The following BOD1L1 variants were observed in gnomAD, a reference collection of about 807,000 sequenced individuals.
BOD1L1 encodes the protein biorientation of chromosomes in cell division 1 like 1.
In BOD1L1, 86 loss-of-function variants were observed where a neutral mutation model predicts 240.7. That is an observed-to-expected ratio of 0.36 (90% CI 0.30 to 0.43). The LOEUF (loss-of-function observed/expected upper bound fraction) is 0.43. Among genes scored for constraint, BOD1L1 ranks in the 20% least tolerant of loss-of-function variants. The pLI, the probability that BOD1L1 is intolerant of heterozygous loss-of-function variation, is 1.00. For missense variants in BOD1L1, 3,554 were observed against 3,643.5 expected, an observed-to-expected ratio of 0.98 and a Z score of 0.63; for synonymous variants, 1,268 against 1,272.3, an observed-to-expected ratio of 1.00 and a Z score of 0.07.
chr4:13,605,921 T>C (rs2108963066), intron 9 of BOD1L1, among the ~76,000 whole-genome samples: 1 of 152,306 alleles, frequency 6.6e-6, no homozygotes, highest in African/African-American at 2.4e-5. Flanking sequence ...TCTGGCCCTG[T>C]GGTTTGGCAC....
intron 8 of BOD1L1, 89 bp from the exon 9 acceptor site, chr4:13,607,278 A>G (rs1328199698): frequency 7.0e-6 from 4 of 573,820 alleles, no homozygotes; most frequent in African/African-American, 6.0e-5. Flanking sequence ...TTCCTTTACT[A>G]TAATTTTTAT....
At chr4:13,574,300 C>A (rs1046347406) in intron 25 of BOD1L1, among the ~76,000 whole-genome samples, 1 of 152,224 alleles carries the variant, frequency 6.6e-6, no homozygotes, top group Non-Finnish European at 1.5e-5. Context: ...TACATGACCA[C>A]TGAGAGCCCA....
At position 13,599,242 on chromosome 4, in the gene BOD1L1, G is replaced by A. The variant is rs1714871853; in HGVS notation, c.7658C>T (p.Pro2553Leu). The A allele has an allele frequency of 1.2e-6, 2 of 1,613,706 alleles. No individual in the cohort carries two copies. Among genetic ancestry groups the A allele is most frequent in the South Asian group, 2.2e-5 (2 of 91,052 alleles). The change falls in exon 10 of 26, where the codon CCT (proline) becomes CTT (leucine). Residue 2553 changes from proline to leucine, a missense_variant. By Grantham distance (98) the Pro-to-Leu change is moderately conservative (BLOSUM62 -3). This residue lies in a region of BOD1L1 where 3,393 missense variants were observed against 3,427.1 expected (regional missense o/e 0.99). Transcript: ENST00000040738. ...QGTVAEHSFL[P>L]AEQQGSEDNL... ...GTCTTCAGACCCCTGCTGCTCAGCA[G>A]GAAGAAAGGAATGCTCAGCCACGGT... is the stretch of plus-strand genomic sequence containing the variant.
At chr4:13,620,630 TTGGAA>T (rs769084223) in intron 1 of BOD1L1, among the ~76,000 whole-genome samples, 6 of 151,996 alleles carry the variant, frequency 3.9e-5, no homozygotes, top group Non-Finnish European at 8.8e-5. Flanking sequence ...TTGTACAAGT[TTGGAA>T]TTACAGGGTA....
intron 13 of BOD1L1, 131 bp from the exon 14 acceptor site, chr4:13,590,577 TC>T (rs1714121973): frequency 4.6e-6 from 2 of 433,454 alleles, no homozygotes; most frequent in Non-Finnish European, 8.5e-6. Context: ...GGGTACATAT[TC>T]TTTTTAATTT....
chr4:13,625,507 T>C (rs1717324930), intron 1 of BOD1L1: 1 of 152,174 alleles, frequency 6.6e-6, no homozygotes, highest in Admixed American at 6.5e-5. Flanking sequence ...GGGAATAGGA[T>C]AATAAAAAAG....
At position 13,600,708 on chromosome 4, in the gene BOD1L1, A is replaced by G; in HGVS notation, c.6192T>C (p.Gly2064=). The change falls in exon 10 of 26, where the codon GGT becomes GGC. Residue 2064 remains glycine (G), a synonymous_variant. Coordinates refer to ENST00000040738, the MANE Select transcript of BOD1L1 (RefSeq NM_148894.3). ...TAATCAAAACTTTGCCTTGATTTTT[A>G]CCCCCTGCTAAGCTATTCTGGTTGG... The part of the protein sequence containing the change: ...DITNQNSLAG[G]KNQGKVLIIS... The G allele has an allele frequency of 6.2e-7, 1 of 1,613,910 alleles. No individual in the cohort carries two copies. The highest frequency in any genetic ancestry group is 8.5e-7 in the Non-Finnish European group (1 of 1,179,868).
rs748369911 is a variant in BOD1L1, at chr4:13,581,056, TA to T, written c.8669-3del. 0.063 allele frequency: 51,283 copies of T among 819,118 alleles called. No homozygotes were observed. The highest frequency in any genetic ancestry group is 0.11 in the South Asian group (4,481 of 41,368). 50.7% of individuals were successfully genotyped at this position (819,118 alleles called of 1,614,324 possible). On this transcript the variant is annotated splice_polypyrimidine_tract_variant and splice_region_variant and intron_variant, in intron 20 of 25. Transcript: ENST00000040738. Reference sequence around the variant, plus strand: ...CAGTATCTGTTTTGGAGTCGTCTTCTAAAAAAAAAAAATTCACTTAGAAAAT... The same window carrying T: ...CAGTATCTGTTTTGGAGTCGTCTTCTAAAAAAAAAAATTCACTTAGAAAAT...
chr4:13,610,529 T>G (rs912323907), intron 6 of BOD1L1, among the ~76,000 whole-genome samples: 2 of 152,212 alleles, frequency 1.3e-5, no homozygotes, highest in African/African-American at 4.8e-5. Flanking sequence ...CAGTCAAAAC[T>G]TTGTTTCATG....
At position 13,592,076 on chromosome 4, in the gene BOD1L1, G is replaced by A. The variant is rs145907188; in HGVS notation, c.8105-110C>T. 1.3e-3 allele frequency: 869 copies of A among 688,102 alleles called. 3 individuals are homozygous for A. The African/African-American group carries it at 0.014, about 11-fold the overall frequency. 42.6% of individuals were successfully genotyped at this position (688,102 alleles called of 1,614,324 possible). On this transcript the variant is annotated intron_variant, in intron 12 of 25. Coordinates refer to ENST00000040738, the MANE Select transcript of BOD1L1 (RefSeq NM_148894.3). ...GGGAACCTATCCTATGTCACCAAGTGGCTTAGCTGCTTTCATAAATTATAA... is the reference window on the plus strand; with the variant it reads ...GGGAACCTATCCTATGTCACCAAGTAGCTTAGCTGCTTTCATAAATTATAA...
At chr4:13,581,284 A>C in intron 19 of BOD1L1, 77 bp from the exon 20 acceptor site, 1 of 1,091,734 alleles carries the variant, frequency 9.2e-7, no homozygotes, top group Admixed American at 2.8e-5. Flanking sequence ...TTTCTCAAAA[A>C]TCAGATTTAG....
rs565208037 is a variant in BOD1L1, at chr4:13,608,499, T to C, written c.1742+31A>G. ...TCTGAAAGCACCCAGGGGAGTGTTA[T>C]AAGGGAAACATGACCAGATAAAATA... On this transcript the variant is annotated intron_variant, in intron 8 of 25. Transcript: ENST00000040738. 4 of 1,481,198 alleles carry C rather than the reference T, an allele frequency of 2.7e-6. No homozygotes were observed. In the East Asian group the frequency reaches 1.0e-4, roughly 37 times the overall value. 91.8% of individuals were successfully genotyped at this position (1,481,198 alleles called of 1,614,324 possible).
intron 17 of BOD1L1, among the ~76,000 whole-genome samples, chr4:13,582,965 T>C (rs1164650360): frequency 6.6e-6 from 1 of 152,206 alleles, no homozygotes; most frequent in African/African-American, 2.4e-5. Flanking sequence ...AAGTACAACA[T>C]ATCAAGGCCA....
chr4:13,602,842 T>C lies in BOD1L1; in HGVS notation c.4058A>G (p.Asp1353Gly). 6.2e-7 allele frequency: 1 copy of C among 1,614,046 alleles called. No homozygotes were observed. Among genetic ancestry groups the C allele is most frequent in the South Asian group, 1.1e-5 (1 of 91,088 alleles). Residue 1353 changes from aspartate (D) to glycine (G), a missense_variant, in exon 10 of 26, where the codon GAT (aspartate) becomes GGT (glycine). Asp to Gly is a moderately conservative substitution (Grantham distance 94). This residue lies in a region of BOD1L1 where 3,393 missense variants were observed against 3,427.1 expected (regional missense o/e 0.99). Coordinates refer to ENST00000040738, the MANE Select transcript of BOD1L1 (RefSeq NM_148894.3). Reference protein sequence around the residue: ...SKEGGEGFTVDTPAKASITSK... With the variant: ...SKEGGEGFTVGTPAKASITSK... Reference sequence around the variant, plus strand: ...AGTGATGCTTGCTTTTGCTGGTGTATCTACTGTGAAACCTTCACCACCTTC... The same window carrying C: ...AGTGATGCTTGCTTTTGCTGGTGTACCTACTGTGAAACCTTCACCACCTTC...
chr4:13,604,458 T>C lies in BOD1L1; in HGVS notation c.2442A>G (p.Ile814Met). ...KDGKPVSEYI[I>M]KTDENVRKEN... ...CTTTACGAACATTCTCATCTGTTTT[T>C]ATAATATATTCAGAAACTGGCTTTC... Residue 814 changes from isoleucine (I) to methionine (M), a missense_variant, in exon 10 of 26, where the codon ATA becomes ATG. By Grantham distance (10) the Ile-to-Met change is conservative. Around this residue, in one of 2 missense-constraint regions of BOD1L1, gnomAD observed 3,393 missense variants for 3,427.1 expected, o/e 0.99. Transcript: ENST00000040738. 6.4e-7 allele frequency: 1 copy of C among 1,550,542 alleles called. No homozygotes were observed. Among genetic ancestry groups the C allele is most frequent in the Non-Finnish European group, 8.6e-7 (1 of 1,158,902 alleles).
At chr4:13,607,012 T>C (rs1715760775) in intron 9 of BOD1L1, 105 bp downstream of exon 9, 13 of 748,454 alleles carry the variant, frequency 1.7e-5, no homozygotes, top group Middle Eastern at 3.9e-4. Context: ...TGACTTTTTA[T>C]TTGACTTGAA....
Position 13,599,866 on chromosome 4 carries a change from T to C in BOD1L1, c.7034A>G (p.Asp2345Gly). 2 of 1,614,018 alleles carry C rather than the reference T, an allele frequency of 1.2e-6. No individual in the cohort carries two copies. Among genetic ancestry groups the C allele is most frequent in the Non-Finnish European group, 1.7e-6 (2 of 1,179,888 alleles). Residue 2345 changes from aspartate (D) to glycine (G), a missense_variant, in exon 10 of 26, where the codon GAC (aspartate) becomes GGC (glycine). Around this residue, in one of 2 missense-constraint regions of BOD1L1, gnomAD observed 3,393 missense variants for 3,427.1 expected, o/e 0.99. Coordinates refer to ENST00000040738, the MANE Select transcript of BOD1L1 (RefSeq NM_148894.3). ...AECMPISASI[D>G]RHEENQLTAD... ...AGTCAGCTGATTCTCTTCATGTCTGTCAATGCTGGCGGAAATTGGCATACA... is the reference window on the plus strand; with the variant it reads ...AGTCAGCTGATTCTCTTCATGTCTGCCAATGCTGGCGGAAATTGGCATACA...
rs983863950 is a variant in BOD1L1 at position 13,608,871 on chromosome 4, G to A, written c.1604-203C>T. On this transcript the variant is annotated intron_variant, in intron 7 of 25. Transcript: ENST00000040738. ...AATGATCACATAAGTGTGTGTATGT[G>A]TGATTTCATATATTACATAGGATTA... Among the ~76,000 whole-genome samples, 3 of 152,122 alleles carry A rather than the reference G, an allele frequency of 2.0e-5. No individual in the cohort carries two copies. The East Asian group carries it at 5.8e-4, about 29-fold the overall frequency.
Position 13,579,927 on chromosome 4 carries a change from C to T in BOD1L1, c.8749+1G>A. On this transcript the variant is annotated splice_donor_variant, in intron 22 of 25. Coordinates refer to ENST00000040738, the MANE Select transcript of BOD1L1 (RefSeq NM_148894.3). LOFTEE classifies it high-confidence loss of function. ...CACAGAGGAATGCGGTAGGTACATACCTGTTTGCATTACTTTCAGTTTGCT... is the reference window on the plus strand; with the variant it reads ...CACAGAGGAATGCGGTAGGTACATATCTGTTTGCATTACTTTCAGTTTGCT... The T allele has an allele frequency of 6.4e-7, 1 of 1,560,952 alleles. No homozygotes were observed. The highest frequency in any genetic ancestry group is 8.7e-7 in the Non-Finnish European group (1 of 1,151,160).
Sources: allele counts gnomAD v4.1 joint callset (sites outside exome capture counted in the v4.1 genomes callset), GRCh38; gene constraint gnomAD v4.1.1; regional missense constraint gnomAD v4.1.1; transcripts MANE v1.5; gene names NCBI Gene and HGNC (gene_info 2026-07-23, HGNC 2026-07-21).